Variants in DAGLA observed in about 807,000 individuals in gnomAD.
The protein encoded by DAGLA is diacylglycerol lipase alpha.
A neutral mutation model predicts 102.6 loss-of-function variants in DAGLA; 22 were observed. That is an observed-to-expected ratio of 0.21 (90% CI 0.15 to 0.31). The LOEUF is 0.31. Among genes scored for constraint, DAGLA ranks in the 10% least tolerant of loss-of-function variants. The probability of loss-of-function intolerance (pLI) is 1.00; values close to 1 mark genes in which losing one functional copy is unlikely to be tolerated. For synonymous variants in DAGLA, 578 were observed against 628.9 expected (o/e 0.92, Z 1.21); for missense variants, 927 against 1,446.6 (o/e 0.64, Z 5.83).
intron 1 of DAGLA, among the ~76,000 whole-genome samples, chr11:61,685,859 C>T (rs901155369): frequency 2.0e-5 from 3 of 151,896 alleles, no homozygotes; most frequent in Non-Finnish European, 4.4e-5. Context: ...AACTGCTGCC[C>T]GTCTGTTGTG....
chr11:61,717,091 A>C (rs527345798), intron 1 of DAGLA, among the ~76,000 whole-genome samples: 211 of 152,112 alleles, frequency 1.4e-3, no homozygotes, highest in Non-Finnish European at 2.5e-3. Flanking sequence ...TGGCTGTTAG[A>C]GGGGAGGACC....
intron 1 of DAGLA, among the ~76,000 whole-genome samples, chr11:61,714,748 A>G (rs922954198): frequency 6.6e-6 from 1 of 152,188 alleles, no homozygotes; most frequent in African/African-American, 2.4e-5. Flanking sequence ...TTCCTCGCCC[A>G]TGAAAGGGGA....
intron 10 of DAGLA, among the ~76,000 whole-genome samples, chr11:61,735,235 G>A (rs192570880): frequency 9.2e-5 from 14 of 152,328 alleles, no homozygotes; most frequent in African/African-American, 3.4e-4. Context: ...CCCACACCCA[G>A]TGTTTGGGTT....
At chr11:61,737,881 C>T in intron 15 of DAGLA, 126 bp downstream of exon 15, 1 of 880,766 alleles carries the variant, frequency 1.1e-6, no homozygotes. Context: ...CCCCACGCCC[C>T]TCCCCACCCT....
Position 61,743,555 on chromosome 11 carries a change from G to A in DAGLA, c.2195G>A (p.Ser732Asn), listed in dbSNP as rs779475814. The change falls in exon 20 of 20, where the codon AGC (serine) becomes AAC (asparagine). Residue 732 changes from serine to asparagine, a missense_variant. By Grantham distance (46) the Ser-to-Asn change is conservative. Coordinates refer to ENST00000257215, the MANE Select transcript of DAGLA (RefSeq NM_006133.3). Reference sequence around the variant, plus strand: ...AGGAGCAAGTCCCAGTCTGAGATGAGCCTGGAGGGCTTCTCGGAGGGGCGG... The same window carrying A: ...AGGAGCAAGTCCCAGTCTGAGATGAACCTGGAGGGCTTCTCGGAGGGGCGG... ...SVRSKSQSEMSLEGFSEGRLL... is the reference protein window; with the variant it reads ...SVRSKSQSEMNLEGFSEGRLL... 5.2e-6 allele frequency: 8 copies of A among 1,541,894 alleles called. No homozygotes were observed. The highest frequency in any genetic ancestry group is 2.0e-5 in the Admixed American group (1 of 49,928).
intron 1 of DAGLA, among the ~76,000 whole-genome samples, chr11:61,713,740 C>T (rs2065212599): frequency 2.0e-5 from 3 of 152,192 alleles, no homozygotes; most frequent in South Asian, 2.1e-4. Flanking sequence ...TGCTGGGGGG[C>T]GGGCCACCAG....
Position 61,734,780 on chromosome 11 carries a change from A to G in DAGLA, c.975-69A>G. On this transcript the variant is annotated intron_variant, in intron 9 of 19. Transcript: ENST00000257215. This position sits in a 1 kb window ranked among gnomAD's most constrained non-coding sequence, Gnocchi z 4.2. ...TGCCCAACTGGAACTGGTTCCAGGGACAGTGGCAGGAGACATTTGTTCCCT... is the reference window on the plus strand; with the variant it reads ...TGCCCAACTGGAACTGGTTCCAGGGGCAGTGGCAGGAGACATTTGTTCCCT... 1 of 1,486,674 alleles carries G rather than the reference A, an allele frequency of 6.7e-7. No homozygotes were observed. The highest frequency in any genetic ancestry group is 9.2e-7 in the Non-Finnish European group (1 of 1,082,950). 92.1% of individuals were successfully genotyped at this position (1,486,674 alleles called of 1,614,324 possible).
chr11:61,690,809 C>G (rs1371208436), intron 1 of DAGLA, among the ~76,000 whole-genome samples: 6 of 152,190 alleles, frequency 3.9e-5, no homozygotes, highest in Admixed American at 3.9e-4. Flanking sequence ...GGAAGGCCCC[C>G]TTTGGCTATC....
chr11:61,722,926 C>T lies in DAGLA; in HGVS notation c.375C>T (p.Ser125=). The T allele has an allele frequency of 6.2e-7, 1 of 1,614,144 alleles. No homozygotes were observed. Among genetic ancestry groups the T allele is most frequent in the Non-Finnish European group, 8.5e-7 (1 of 1,179,988 alleles). The change falls in exon 4 of 20, where the codon TCC becomes TCT. Residue 125 remains serine (S), a synonymous_variant. Transcript: ENST00000257215. ...TCTGGCTCACTCAGTACTACACCTC[C>T]TGCAACGACCTCACTGCCAAGAATG... ...GIVWLTQYYT[S]CNDLTAKNVT...
chr11:61,743,607 G>A lies in DAGLA; in HGVS notation c.2247G>A (p.Ala749=), dbSNP rs754622852. The A allele has an allele frequency of 2.3e-5, 37 of 1,577,396 alleles. No homozygotes were observed. Among genetic ancestry groups the A allele is most frequent in the Admixed American group, 2.3e-4 (13 of 55,894 alleles). Residue 749 remains alanine, a synonymous_variant, in exon 20 of 20, where the codon GCG becomes GCA. Transcript: ENST00000257215. ...GRLLSPVVAA[A]ARQDPVELLL... is the part of the protein sequence containing the mutation. Reference sequence around the variant, plus strand: ...TGCTGTCGCCAGTGGTTGCGGCGGCGGCCCGCCAGGACCCGGTGGAGCTGC... The same window carrying A: ...TGCTGTCGCCAGTGGTTGCGGCGGCAGCCCGCCAGGACCCGGTGGAGCTGC...
chr11:61,720,206 C>T lies in DAGLA; in HGVS notation c.51C>T (p.Asp17=), dbSNP rs372185196. Residue 17 remains aspartate (D), a synonymous_variant, in exon 2 of 20, where the codon GAC becomes GAT. Transcript: ENST00000257215. ...GGCGCTGGTCTGTGGGCAGTGATGA[C>T]CTCGTCCTACCGGCCATCTTCCTCT... is the stretch of plus-strand genomic sequence containing the variant. The part of the protein sequence containing the change: ...FRRRWSVGSD[D]LVLPAIFLFL... The T allele has an allele frequency of 1.1e-5, 17 of 1,613,792 alleles. No individual in the cohort carries two copies. Among genetic ancestry groups the T allele is most frequent in the Non-Finnish European group, 1.4e-5 (17 of 1,180,042 alleles).
chr11:61,720,375 C>T lies in DAGLA; in HGVS notation c.95+125C>T, dbSNP rs937168159. On this transcript the variant is annotated intron_variant, in intron 2 of 19. Coordinates refer to ENST00000257215, the MANE Select transcript of DAGLA (RefSeq NM_006133.3). ...CAACCCTGTCATGCCCCCAGCTGCC[C>T]GGAGGAGGTGCCTGAAACATCTAGC... 23 of 941,566 alleles carry T rather than the reference C, an allele frequency of 2.4e-5. No individual in the cohort carries two copies. The African/African-American group carries it at 2.7e-4, about 11-fold the overall frequency. The allele number at this position is 941,566 out of a possible 1,614,324, so 58.3% of individuals were successfully genotyped here. A position where few individuals can be genotyped will look rare whatever the true frequency, so the allele number is the denominator to read the frequency against.
intron 4 of DAGLA, 22 bp downstream of exon 4, chr11:61,722,982 TG>T: frequency 6.3e-7 from 1 of 1,578,490 alleles, no homozygotes; most frequent in Non-Finnish European, 8.7e-7. Flanking sequence ...TGAGGCCTGC[TG>T]GAGCCTCAGC....
intron 2 of DAGLA, 45 bp downstream of exon 2, chr11:61,720,295 A>G (rs370102818): frequency 4.4e-6 from 7 of 1,579,592 alleles, no homozygotes; most frequent in Non-Finnish European, 6.1e-6. Flanking sequence ...TTGGAGAGAA[A>G]GGTCTGGAAG....
At chr11:61,737,560 C>T in intron 14 of DAGLA, 127 bp from the exon 15 acceptor site, 1 of 1,089,272 alleles carries the variant, frequency 9.2e-7, no homozygotes, top group African/African-American at 1.5e-5. Context: ...AGCCTGCCAC[C>T]AGCCAGCTCC....
intron 3 of DAGLA, among the ~76,000 whole-genome samples, chr11:61,721,869 G>A (rs915266742): frequency 1.3e-5 from 2 of 152,264 alleles, no homozygotes; most frequent in Non-Finnish European, 2.9e-5. Context: ...ACTAGTAAGC[G>A]TGTAAATGTC....
At chr11:61,733,963 C>T (rs1013019280) in intron 9 of DAGLA, among the ~76,000 whole-genome samples, 3 of 152,172 alleles carry the variant, frequency 2.0e-5, no homozygotes, top group Non-Finnish European at 4.4e-5. Flanking sequence ...CACGCTGTCT[C>T]AGGTGCTGCT....
chr11:61,689,931 A>C (rs930545270), intron 1 of DAGLA, among the ~76,000 whole-genome samples: 3 of 152,054 alleles, frequency 2.0e-5, no homozygotes, highest in African/African-American at 7.2e-5. Flanking sequence ...CAGCCCTTTC[A>C]GCTGCCCTCC....
chr11:61,733,951 G>A (rs1005352612), intron 9 of DAGLA, among the ~76,000 whole-genome samples: 8 of 152,202 alleles, frequency 5.3e-5, no homozygotes, highest in Non-Finnish European at 8.8e-5. Context: ...CAAGGGCCAG[G>A]CCACGCTGTC....
Sources: allele counts gnomAD v4.1 joint callset (sites outside exome capture counted in the v4.1 genomes callset), GRCh38; gene constraint gnomAD v4.1.1; non-coding constraint Gnocchi (gnomAD v3.1); transcripts MANE v1.5; gene names NCBI Gene and HGNC (gene_info 2026-07-23, HGNC 2026-07-21).